CSNK1G3: variants seen among roughly 807,000 people sequenced by gnomAD.
The protein encoded by CSNK1G3 is casein kinase I isoform gamma-3.
Under a neutral mutation model 64.3 loss-of-function variants are expected in CSNK1G3, and 23 were observed. That is an observed-to-expected ratio of 0.36 (90% CI 0.26 to 0.51). The LOEUF is 0.51. CSNK1G3 is among the 20% of genes least tolerant of loss of function. The pLI is 0.96. For missense variants in CSNK1G3, 357 were observed against 510.5 expected, an observed-to-expected ratio of 0.70 and a Z score of 2.90; for synonymous variants, 158 against 162.2, an observed-to-expected ratio of 0.97 and a Z score of 0.20.
chr5:123,564,491 G>A (rs966964446), intron 4 of CSNK1G3, among the ~76,000 whole-genome samples: 2 of 152,018 alleles, frequency 1.3e-5, no homozygotes, highest in Non-Finnish European at 2.9e-5. Flanking sequence ...GTTATATAAT[G>A]CATTGTAAGA....
rs1464838263 is a variant in CSNK1G3 at position 123,588,358 on chromosome 5, A to C, written c.760-69A>C. 7 of 1,277,950 alleles carry C rather than the reference A, an allele frequency of 5.5e-6. No individual in the cohort carries two copies. The East Asian group carries it at 1.6e-4, about 30-fold the overall frequency. The allele number at this position is 1,277,950 out of a possible 1,614,324, so 79.2% of individuals were successfully genotyped here. ...TTCCAAAGCTCTGTGATTACAGGCT[A>C]CCGTGTGCAGTCCCAGCTAAATAAT... On this transcript the variant is annotated intron_variant, in intron 7 of 12. Transcript: ENST00000345990.
chr5:123,611,374 A>G (rs1190619567), intron 12 of CSNK1G3, among the ~76,000 whole-genome samples: 1 of 152,160 alleles, frequency 6.6e-6, no homozygotes, highest in Non-Finnish European at 1.5e-5. Context: ...TTTAGTGGGA[A>G]TTATTTAAAA....
intron 1 of CSNK1G3, among the ~76,000 whole-genome samples, chr5:123,519,983 T>G (rs919299394): frequency 2.6e-5 from 4 of 152,216 alleles, no homozygotes; most frequent in Non-Finnish European, 5.9e-5. Context: ...GTTCTTAGGC[T>G]TTGGAAAAAT....
intron 1 of CSNK1G3, among the ~76,000 whole-genome samples, chr5:123,537,700 G>A (rs1417323910): frequency 1.3e-5 from 2 of 152,088 alleles, no homozygotes; most frequent in Non-Finnish European, 2.9e-5. Context: ...ATTTTGAGAT[G>A]CAATTTACAT....
Position 123,527,670 on chromosome 5 carries a change from G to T in CSNK1G3, c.-248+15100G>T, listed in dbSNP as rs565221301. On this transcript the variant is annotated intron_variant, in intron 1 of 12. Coordinates refer to ENST00000345990, the Ensembl canonical transcript of CSNK1G3. ...ATATTTTTGTAAGTTAGAATATTTCGCTGTAGTTGAGAAGAACGAATATAA... is the reference window on the plus strand; with the variant it reads ...ATATTTTTGTAAGTTAGAATATTTCTCTGTAGTTGAGAAGAACGAATATAA... Among the ~76,000 whole-genome samples, 145 of 152,092 alleles carry T rather than the reference G, an allele frequency of 9.5e-4. 1 individual carries two copies. Among genetic ancestry groups the T allele is most frequent in the Middle Eastern group, 3.4e-3 (1 of 294 alleles).
At chr5:123,524,073 C>G (rs1340369194) in intron 1 of CSNK1G3, among the ~76,000 whole-genome samples, 1 of 152,184 alleles carries the variant, frequency 6.6e-6, no homozygotes, top group Non-Finnish European at 1.5e-5. Context: ...AGAAACTATT[C>G]CATATCTTAC....
At chr5:123,556,859 A>G (rs1209595814) in intron 3 of CSNK1G3, among the ~76,000 whole-genome samples, 2 of 151,972 alleles carry the variant, frequency 1.3e-5, no homozygotes, top group Admixed American at 6.6e-5. Context: ...CAGAAAGCAT[A>G]TACTGTATAA....
chr5:123,554,971 T>C (rs1784361886), intron 3 of CSNK1G3, among the ~76,000 whole-genome samples: 1 of 152,260 alleles, frequency 6.6e-6, no homozygotes, highest in African/African-American at 2.4e-5. Context: ...AACTTGTTCA[T>C]ACCATTGATG....
chr5:123,576,151 A>G (rs912819147), intron 6 of CSNK1G3, among the ~76,000 whole-genome samples, 188 bp downstream of exon 6: 7 of 152,200 alleles, frequency 4.6e-5, no homozygotes, highest in African/African-American at 1.7e-4. Flanking sequence ...AAGTTACTAT[A>G]GAGTAAATGA....
chr5:123,522,760 G>A (rs973719093), intron 1 of CSNK1G3, among the ~76,000 whole-genome samples: 2 of 152,046 alleles, frequency 1.3e-5, no homozygotes, highest in Non-Finnish European at 1.5e-5. Flanking sequence ...TCTGCAGTTG[G>A]TTGAATCCAA....
At chr5:123,525,406 G>A (rs924509393) in intron 1 of CSNK1G3, among the ~76,000 whole-genome samples, 9 of 151,826 alleles carry the variant, frequency 5.9e-5, no homozygotes, top group Non-Finnish European at 1.3e-4. Context: ...CTGTCTCCGG[G>A]TTCAAGCACT....
chr5:123,548,725 G>A (rs946519116), intron 2 of CSNK1G3, among the ~76,000 whole-genome samples: 13 of 151,354 alleles, frequency 8.6e-5, no homozygotes, highest in African/African-American at 3.2e-4. Context: ...GGACAATATA[G>A]TGAGATCCTG....
intron 6 of CSNK1G3, among the ~76,000 whole-genome samples, chr5:123,577,895 T>G (rs1325955415): frequency 6.6e-6 from 1 of 151,974 alleles, no homozygotes; most frequent in African/African-American, 2.4e-5. Context: ...CCTCCTTTTC[T>G]AGAAGCAATC....
intron 8 of CSNK1G3, 33 bp from the exon 9 acceptor site, chr5:123,590,377 G>T (rs1156911061): frequency 8.6e-7 from 1 of 1,156,906 alleles, no homozygotes; most frequent in Non-Finnish European, 1.2e-6. Flanking sequence ...TTAAAGAAAA[G>T]TATAGTCCAA....
chr5:123,573,046 C>A (rs570334379), intron 4 of CSNK1G3, among the ~76,000 whole-genome samples: 1 of 152,292 alleles, frequency 6.6e-6, no homozygotes, highest in Non-Finnish European at 1.5e-5. Flanking sequence ...TTCAGTAGAA[C>A]TGGAATCTCT....
chr5:123,561,512 G>A (rs934870282), intron 4 of CSNK1G3, among the ~76,000 whole-genome samples: 15 of 152,328 alleles, frequency 9.8e-5, no homozygotes, highest in South Asian at 4.1e-4. Flanking sequence ...GTGGGCAATT[G>A]TAGGGTTGGT....
intron 12 of CSNK1G3, among the ~76,000 whole-genome samples, chr5:123,609,498 T>A (rs1795943227): frequency 6.6e-6 from 1 of 152,186 alleles, no homozygotes; most frequent in South Asian, 2.1e-4. Context: ...TGTTCAGGAC[T>A]TTGATAGTCT....
chr5:123,554,202 C>G (rs762514378), intron 3 of CSNK1G3, among the ~76,000 whole-genome samples: 1 of 152,060 alleles, frequency 6.6e-6, no homozygotes, highest in African/African-American at 2.4e-5. Flanking sequence ...GTTGCAGTGC[C>G]ATGAAGAGAG....
At chr5:123,609,805 A>T (rs1179961251) in intron 12 of CSNK1G3, among the ~76,000 whole-genome samples, 1 of 152,148 alleles carries the variant, frequency 6.6e-6, no homozygotes, top group Admixed American at 6.6e-5. Context: ...TGAGACTAAG[A>T]GGAGGGTGGA....
Sources: allele counts gnomAD v4.1 joint callset (sites outside exome capture counted in the v4.1 genomes callset), GRCh38; gene constraint gnomAD v4.1.1; transcripts MANE v1.5; gene names NCBI Gene and HGNC (gene_info 2026-07-23, HGNC 2026-07-21).